The following RAB3GAP1 variants were observed in gnomAD, a reference collection of about 807,000 sequenced individuals.
The protein encoded by RAB3GAP1 is rab3 GTPase-activating protein catalytic subunit.
In RAB3GAP1, 86 loss-of-function variants were observed where a neutral mutation model predicts 130.7. The observed-to-expected ratio is 0.66, with a 90% CI of 0.55 to 0.79. The LOEUF is 0.79. Among genes scored for constraint, RAB3GAP1 ranks in the 30% least tolerant of loss-of-function variants. RAB3GAP1 has a pLI of 0.00. For missense variants in RAB3GAP1, 1,029 were observed against 1,169.4 expected (o/e 0.88, Z 1.75); for synonymous variants, 367 against 401.7 (o/e 0.91, Z 1.03).
At chr2:135,143,679 T>C (rs1691912140) in intron 17 of RAB3GAP1, among the ~76,000 whole-genome samples, 2 of 151,368 alleles carry the variant, frequency 1.3e-5, no homozygotes, top group Non-Finnish European at 2.9e-5. Flanking sequence ...TGCCTCAGCC[T>C]CCTGAGTAGC....
intron 5 of RAB3GAP1, among the ~76,000 whole-genome samples, chr2:135,100,770 T>A (rs1390301938): frequency 6.6e-6 from 1 of 152,246 alleles, no homozygotes; most frequent in African/African-American, 2.4e-5. Context: ...ACTGCCTTAG[T>A]AATCTATGGG....
At chr2:135,081,327 A>AAAAAT (rs1363481112) in intron 3 of RAB3GAP1, among the ~76,000 whole-genome samples, 59 of 64,020 alleles carry the variant, frequency 9.2e-4, no homozygotes, top group African/African-American at 3.1e-3. Context: ...AAAAAAAAAA[A>AAAAAT]ATATATATAT....
intron 17 of RAB3GAP1, among the ~76,000 whole-genome samples, chr2:135,140,973 A>G (rs1329868415): frequency 6.6e-6 from 1 of 152,086 alleles, no homozygotes; most frequent in South Asian, 2.1e-4. Flanking sequence ...ATTTTTGGTC[A>G]TTTTAATTTT....
At chr2:135,150,287 A>G (rs1478526194) in intron 17 of RAB3GAP1, 82 bp from the exon 18 acceptor site, 3 of 1,533,212 alleles carry the variant, frequency 2.0e-6, no homozygotes, top group African/African-American at 1.4e-5. Context: ...AGCTGAAATG[A>G]CTGTTGTCTT....
intron 2 of RAB3GAP1, 106 bp from the exon 3 acceptor site, chr2:135,057,905 T>G: frequency 1.2e-6 from 1 of 821,714 alleles, no homozygotes. Flanking sequence ...CTGAGTCCTC[T>G]CTGGTCAAAT....
chr2:135,065,880 C>G (rs77336778), intron 3 of RAB3GAP1, among the ~76,000 whole-genome samples: 6,707 of 150,752 alleles, frequency 0.044, 498 homozygotes, highest in African/African-American at 0.16. Flanking sequence ...GAGTGATTCT[C>G]CTGCCTCAGC....
At position 135,168,843 on chromosome 2, in the gene RAB3GAP1, A is replaced by G; in HGVS notation, c.*62A>G. 6.8e-7 allele frequency: 1 copy of G among 1,465,258 alleles called. No individual in the cohort carries two copies. Among genetic ancestry groups the G allele is most frequent in the Non-Finnish European group, 9.6e-7 (1 of 1,046,134 alleles). The allele number at this position is 1,465,258 out of a possible 1,614,324, so 90.8% of individuals were successfully genotyped here. The stretch of plus-strand genomic sequence containing the variant: ...GTGCTGCCTCCTCCTGAGGGAGGGA[A>G]GGTACCAGGGAGAACCTGGGAGGTC... On this transcript the variant is annotated 3_prime_UTR_variant, in exon 24 of 24. Coordinates refer to ENST00000264158, the MANE Select transcript of RAB3GAP1 (RefSeq NM_012233.3).
At chr2:135,056,254 G>T (rs1413377547) in intron 2 of RAB3GAP1, among the ~76,000 whole-genome samples, 1 of 151,814 alleles carries the variant, frequency 6.6e-6, no homozygotes, top group Non-Finnish European at 1.5e-5. Flanking sequence ...CCAGGCTGGG[G>T]TGCAGTGGTG....
chr2:135,138,296 A>C (rs891151059), intron 17 of RAB3GAP1, among the ~76,000 whole-genome samples: 23 of 151,788 alleles, frequency 1.5e-4, no homozygotes, highest in African/African-American at 5.3e-4. Flanking sequence ...AAAAAAAAAA[A>C]AAAATTAGCC....
intron 17 of RAB3GAP1, among the ~76,000 whole-genome samples, chr2:135,140,991 C>G (rs1691822018): frequency 6.6e-6 from 1 of 152,078 alleles, no homozygotes; most frequent in African/African-American, 2.4e-5. Flanking sequence ...TTTTGCCTTT[C>G]TGAAGGGTAG....
chr2:135,111,324 A>C (rs1690795994), intron 5 of RAB3GAP1, among the ~76,000 whole-genome samples: 1 of 152,090 alleles, frequency 6.6e-6, no homozygotes, highest in Admixed American at 6.5e-5. Context: ...AAATACATTA[A>C]AGAGTGAATA....
At chr2:135,089,446 G>T (rs1387821346) in intron 3 of RAB3GAP1, among the ~76,000 whole-genome samples, 1 of 150,932 alleles carries the variant, frequency 6.6e-6, no homozygotes, top group Non-Finnish European at 1.5e-5. Flanking sequence ...GCTTAATGGG[G>T]ATAGCATTGA....
At chr2:135,071,075 T>C (rs1321634914) in intron 3 of RAB3GAP1, among the ~76,000 whole-genome samples, 1 of 152,246 alleles carries the variant, frequency 6.6e-6, no homozygotes, top group African/African-American at 2.4e-5. Flanking sequence ...TGATAGAGAC[T>C]ACAGGTTTGT....
In RAB3GAP1 at chr2:135,124,660, G is replaced by A. The variant is rs182424849; in HGVS notation, c.830+414G>A. ...AACCTGGGCAACAGAGCAAGACTCC[G>A]TCTCAAAAAAAGAAAGAAAGACCTA... On this transcript the variant is annotated intron_variant, in intron 9 of 23. Coordinates refer to ENST00000264158, the MANE Select transcript of RAB3GAP1 (RefSeq NM_012233.3). 4.6e-4 allele frequency among the ~76,000 whole-genome samples: 69 copies of A among 150,762 alleles called. No homozygotes were observed. The East Asian group carries it at 5.9e-3, about 13-fold the overall frequency.
chr2:135,094,500 T>A (rs550946454), intron 5 of RAB3GAP1, among the ~76,000 whole-genome samples: 122 of 152,330 alleles, frequency 8.0e-4, no homozygotes, highest in African/African-American at 2.7e-3. Context: ...TCTATCCAAC[T>A]GTATTTTTGT....
intron 23 of RAB3GAP1, chr2:135,165,016 C>T (rs1327558633): frequency 1.0e-5 from 4 of 400,308 alleles, no homozygotes; most frequent in South Asian, 5.6e-5. Context: ...AATGTTTACT[C>T]ACAGGTACTT....
chr2:135,078,686 TCCC>T (rs1689699688), intron 3 of RAB3GAP1, among the ~76,000 whole-genome samples: 1 of 20,556 alleles, frequency 4.9e-5, no homozygotes, highest in African/African-American at 2.7e-4. Context: ...TCCCCTCCCC[TCCC>T]CTGCCCTCCC....
At position 135,116,304 on chromosome 2, in the gene RAB3GAP1, TATTA is replaced by T. The variant is rs1279107347; in HGVS notation, c.648+928_648+931del. ...GAAGTATATCGATTATAAATAAATATATTAATTATGATATATAATTATATATGTG... is the reference window on the plus strand; with the variant it reads ...GAAGTATATCGATTATAAATAAATATATTATGATATATAATTATATATGTG... On this transcript the variant is annotated intron_variant, in intron 7 of 23. Transcript: ENST00000264158. Among the ~76,000 whole-genome samples the T allele has an allele frequency of 2.9e-4, 44 of 151,950 alleles. 1 individual carries two copies. The highest frequency in any genetic ancestry group is 1.1e-3 in the African/African-American group (44 of 41,504).
At chr2:135,126,300 A>G in intron 10 of RAB3GAP1, 51 bp downstream of exon 10, 5 of 1,343,430 alleles carry the variant, frequency 3.7e-6, no homozygotes, top group Non-Finnish European at 5.3e-6. Context: ...CTTCAGTAGA[A>G]TAACTCTCAA....
Sources: gnomAD v4.1 joint callset for allele counts (sites outside exome capture counted in the v4.1 genomes callset) on GRCh38, gnomAD v4.1.1 for gene constraint, MANE v1.5 for transcripts, NCBI Gene and HGNC (gene_info 2026-07-23, HGNC 2026-07-21) for gene names.